SYK: variants seen among roughly 807,000 people sequenced by gnomAD.
SYK encodes tyrosine-protein kinase SYK.
Under a neutral mutation model 77.8 loss-of-function variants are expected in SYK, and 16 were observed. The ratio of observed to expected loss-of-function variants is 0.21; its 90% CI spans 0.14 to 0.31. The LOEUF is 0.31. Among genes scored for constraint, SYK ranks in the 10% least tolerant of loss-of-function variants. The probability of loss-of-function intolerance (pLI) is 1.00; values close to 1 mark genes in which losing one functional copy is unlikely to be tolerated. For missense variants in SYK, 529 were observed against 814.4 expected (o/e 0.65, Z 4.26); for synonymous variants, 312 against 308.7 (o/e 1.01, Z -0.11).
Position 90,843,994 on chromosome 9 carries a change from G to C in SYK, c.96G>C (p.Gly32=), listed in dbSNP as rs773557717. The C allele has an allele frequency of 6.2e-7, 1 of 1,610,584 alleles. No homozygotes were observed. Residue 32 remains glycine (G), a synonymous_variant, in exon 2 of 14, where the codon GGG becomes GGC. Coordinates refer to ENST00000375754, the MANE Select transcript of SYK (RefSeq NM_003177.7). ...AGGCAGAAGATTACCTGGTCCAGGGGGGCATGAGTGATGGGCTTTATTTGC... is the reference window on the plus strand; with the variant it reads ...AGGCAGAAGATTACCTGGTCCAGGGCGGCATGAGTGATGGGCTTTATTTGC... The part of the protein sequence containing the change: ...REEAEDYLVQ[G]GMSDGLYLLR...
chr9:90,810,672 T>A (rs142609819), intron 1 of SYK, among the ~76,000 whole-genome samples: 17 of 152,278 alleles, frequency 1.1e-4, no homozygotes, highest in African/African-American at 4.1e-4. Flanking sequence ...ACTCTGTCAG[T>A]GTGAAGACCA....
At chr9:90,835,394 C>T (rs554694219) in intron 1 of SYK, among the ~76,000 whole-genome samples, 29 of 152,260 alleles carry the variant, frequency 1.9e-4, no homozygotes, top group African/African-American at 3.9e-4. Flanking sequence ...TCACTGGGGC[C>T]GGTGCACTTT....
chr9:90,832,926 C>T (rs997452382), intron 1 of SYK, among the ~76,000 whole-genome samples: 2 of 152,178 alleles, frequency 1.3e-5, no homozygotes, highest in African/African-American at 4.8e-5. Context: ...ACAGTCTCAT[C>T]TGAAGGCTTG....
intron 12 of SYK, among the ~76,000 whole-genome samples, chr9:90,888,194 C>T (rs529652651): frequency 6.6e-6 from 1 of 152,076 alleles, no homozygotes; most frequent in Non-Finnish European, 1.5e-5. Flanking sequence ...TTTTTTAGAT[C>T]TTTTAATTAA....
At chr9:90,810,319 C>T (rs1825026167) in intron 1 of SYK, among the ~76,000 whole-genome samples, 1 of 152,174 alleles carries the variant, frequency 6.6e-6, no homozygotes. Flanking sequence ...ACATGGCATG[C>T]TCCCTGTGTG....
At chr9:90,823,733 G>A (rs1432047960) in intron 1 of SYK, among the ~76,000 whole-genome samples, 1 of 152,046 alleles carries the variant, frequency 6.6e-6, no homozygotes, top group East Asian at 1.9e-4. Flanking sequence ...AAAAATTTTG[G>A]AATGTAGCAA....
intron 1 of SYK, among the ~76,000 whole-genome samples, chr9:90,807,579 C>A (rs561434828): frequency 6.6e-6 from 1 of 152,130 alleles, no homozygotes; most frequent in Non-Finnish European, 1.5e-5. Context: ...CTCTCCCAGG[C>A]GGGCTGACTC....
At chr9:90,884,188 C>CACATACACATACGTGTATATATACACAT (rs1357310847) in intron 11 of SYK, among the ~76,000 whole-genome samples, 2 of 107,114 alleles carry the variant, frequency 1.9e-5, no homozygotes, top group South Asian at 2.6e-4. Context: ...TGTATATATA[C>CACATACACATACGTGTATATATACACAT]ACACATACAC....
At chr9:90,856,482 T>C (rs1010664747) in intron 3 of SYK, among the ~76,000 whole-genome samples, 6 of 152,204 alleles carry the variant, frequency 3.9e-5, no homozygotes, top group African/African-American at 1.4e-4. Flanking sequence ...GTAACGTCGT[T>C]GAATTATTCT....
At chr9:90,804,492 A>T (rs951730078) in intron 1 of SYK, among the ~76,000 whole-genome samples, 3 of 152,170 alleles carry the variant, frequency 2.0e-5, no homozygotes, top group Middle Eastern at 3.4e-3. Flanking sequence ...CCCTGTATAG[A>T]TTTTTTTCCA....
At chr9:90,843,813 C>G in intron 1 of SYK, 45 bp from the exon 2 acceptor site, 1 of 1,371,532 alleles carries the variant, frequency 7.3e-7, no homozygotes, top group African/African-American at 1.5e-5. Context: ...ACGTTCCCTG[C>G]CACGTGGGGT....
intron 1 of SYK, among the ~76,000 whole-genome samples, chr9:90,830,693 C>G (rs1825855449): frequency 6.7e-6 from 1 of 149,344 alleles, no homozygotes; most frequent in Non-Finnish European, 1.5e-5. Flanking sequence ...TCATGCCATT[C>G]TCCTGCCTCA....
At chr9:90,806,422 A>T (rs1587796884) in intron 1 of SYK, among the ~76,000 whole-genome samples, 1 of 148,400 alleles carries the variant, frequency 6.7e-6, no homozygotes, top group South Asian at 2.1e-4. Flanking sequence ...TTTTGTAGAG[A>T]TGGGCTCTCA....
At chr9:90,841,096 GTAGT>G (rs1826296342) in intron 1 of SYK, among the ~76,000 whole-genome samples, 1 of 151,732 alleles carries the variant, frequency 6.6e-6, no homozygotes, top group African/African-American at 2.4e-5. Flanking sequence ...TGGCATGTAT[GTAGT>G]TTGTGTGTGG....
At chr9:90,886,564 G>A (rs1029526249) in intron 11 of SYK, among the ~76,000 whole-genome samples, 1 of 152,118 alleles carries the variant, frequency 6.6e-6, no homozygotes, top group Non-Finnish European at 1.5e-5. Context: ...AATTGGCCAG[G>A]CCTGGTGACA....
chr9:90,887,628 C>T, intron 11 of SYK, 121 bp from the exon 12 acceptor site: 1 of 1,134,408 alleles, frequency 8.8e-7, no homozygotes, highest in Non-Finnish European at 1.2e-6. Flanking sequence ...GTCTCAAGCT[C>T]CCGATCTCAA....
rs1342187801 is a variant in SYK at position 90,820,985 on chromosome 9, C to T, written c.-42+19092C>T. The stretch of plus-strand genomic sequence containing the variant: ...ATCATCGCTCTCAAGTTCAAAGTTT[C>T]ACAGATCTCTAGGGCAGGGGCAAAA... On this transcript the variant is annotated intron_variant, in intron 1 of 13. Transcript: ENST00000375754. Among the ~76,000 whole-genome samples, 5 of 152,192 alleles carry T rather than the reference C, an allele frequency of 3.3e-5. No homozygotes were observed. In the East Asian group the frequency reaches 9.6e-4, roughly 29 times the overall value.
At chr9:90,877,985 A>G (rs968536695) in intron 10 of SYK, among the ~76,000 whole-genome samples, 1 of 152,222 alleles carries the variant, frequency 6.6e-6, no homozygotes, top group South Asian at 2.1e-4. Context: ...TTGTTCAGAG[A>G]AGAACTCATT....
At chr9:90,883,940 G>T (rs937107556) in intron 11 of SYK, among the ~76,000 whole-genome samples, 4 of 152,082 alleles carry the variant, frequency 2.6e-5, no homozygotes, top group African/African-American at 9.7e-5. Flanking sequence ...TCAGCTCACT[G>T]CTGTCACCAC....
Sources: allele counts gnomAD v4.1 joint callset (sites outside exome capture counted in the v4.1 genomes callset), GRCh38; gene constraint gnomAD v4.1.1; transcripts MANE v1.5; gene names NCBI Gene and HGNC (gene_info 2026-07-23, HGNC 2026-07-21).